The following STX18 variants were observed in gnomAD, a reference collection of about 807,000 sequenced individuals.
STX18 encodes the protein syntaxin 18, also known as syntaxin-18.
Under a neutral mutation model 50.1 loss-of-function variants are expected in STX18, and 40 were observed. The observed-to-expected ratio is 0.80, with a 90% CI of 0.62 to 1.04. The LOEUF is 1.04. Ranked by LOEUF, STX18 falls within the 50% of genes least tolerant of loss-of-function variation. The probability of loss-of-function intolerance (pLI) is 0.00; values close to 1 mark genes in which losing one functional copy is unlikely to be tolerated. For synonymous variants in STX18, 158 were observed against 151.8 expected (o/e 1.04, Z -0.30); for missense variants, 410 against 415.8 (o/e 0.99, Z 0.12).
intron 5 of STX18, among the ~76,000 whole-genome samples, chr4:4,443,761 C>T (rs1726243180): frequency 1.3e-5 from 2 of 152,086 alleles, no homozygotes; most frequent in South Asian, 2.1e-4. Flanking sequence ...TGTAATACAC[C>T]CCCTTAACAA....
chr4:4,520,919 C>T (rs947987472), intron 1 of STX18, among the ~76,000 whole-genome samples: 2 of 152,192 alleles, frequency 1.3e-5, no homozygotes, highest in African/African-American at 4.8e-5. Flanking sequence ...TCTTTAGTAT[C>T]TAAAAAAATT....
chr4:4,449,350 AC>A (rs1177883118), intron 5 of STX18, among the ~76,000 whole-genome samples: 5 of 149,934 alleles, frequency 3.3e-5, no homozygotes, highest in South Asian at 2.1e-4. Context: ...TGTGCACGGC[AC>A]CCCCCCACCC....
chr4:4,457,623 T>G (rs1727149825), intron 3 of STX18, 123 bp from the exon 4 acceptor site: 1 of 713,200 alleles, frequency 1.4e-6, no homozygotes, highest in Non-Finnish European at 2.4e-6. Context: ...ATAAAACAAG[T>G]CTTGTGCCAA....
chr4:4,484,725 C>T (rs1034722478), intron 1 of STX18, among the ~76,000 whole-genome samples: 2 of 152,030 alleles, frequency 1.3e-5, no homozygotes, highest in African/African-American at 4.8e-5. Flanking sequence ...ATATTCTCCT[C>T]CCCTACCTGC....
intron 2 of STX18, among the ~76,000 whole-genome samples, chr4:4,471,056 G>T (rs2108835258): frequency 6.6e-6 from 1 of 152,346 alleles, no homozygotes; most frequent in East Asian, 1.9e-4. Context: ...AGTGCCGTAA[G>T]AAATGAAGGC....
intron 1 of STX18, among the ~76,000 whole-genome samples, chr4:4,539,918 G>A (rs1303564263): frequency 6.6e-6 from 1 of 152,126 alleles, no homozygotes; most frequent in African/African-American, 2.4e-5. Flanking sequence ...CTTTCCCTGA[G>A]CAGGACTCAA....
At chr4:4,453,365 T>A (rs541631817) in intron 5 of STX18, among the ~76,000 whole-genome samples, 33 of 152,216 alleles carry the variant, frequency 2.2e-4, no homozygotes, top group African/African-American at 7.9e-4. Flanking sequence ...CCACCCTCAA[T>A]CAGTCAGTAG....
At chr4:4,425,280 G>A in intron 7 of STX18, 58 bp from the exon 8 acceptor site, 1 of 1,493,786 alleles carries the variant, frequency 6.7e-7, no homozygotes, top group South Asian at 1.1e-5. Flanking sequence ...CAAGAGTCTA[G>A]CAAGAAAGCG....
At chr4:4,490,293 T>C (rs182773350) in intron 1 of STX18, among the ~76,000 whole-genome samples, 123 of 152,244 alleles carry the variant, frequency 8.1e-4, no homozygotes, top group Non-Finnish European at 8.2e-4. Flanking sequence ...TATGTAACAA[T>C]AGCCAAAGGG....
chr4:4,465,634 G>C (rs1301874346), intron 2 of STX18, among the ~76,000 whole-genome samples: 2 of 152,206 alleles, frequency 1.3e-5, no homozygotes, highest in African/African-American at 4.8e-5. Context: ...AGAAGGGAGA[G>C]CATCAGGAAG....
intron 1 of STX18, chr4:4,507,526 C>T (rs1000563486): frequency 5.5e-5 from 42 of 769,070 alleles, no homozygotes; most frequent in African/African-American, 5.1e-4. Flanking sequence ...TCGAAAAAGC[C>T]GCACAAAAAA....
chr4:4,420,729 T>A lies in STX18; in HGVS notation c.912+135A>T. The stretch of plus-strand genomic sequence containing the variant: ...CTCATGAACACACGCAGCTCCGCGG[T>A]CACACAATTTTGTGATCAGCCCCGT... On this transcript the variant is annotated intron_variant, in intron 10 of 10. Transcript: ENST00000306200. This position sits in a 1 kb window ranked among gnomAD's most constrained non-coding sequence, Gnocchi z 4.3. The A allele has an allele frequency of 1.3e-6, 1 of 777,688 alleles. No homozygotes were observed. The highest frequency in any genetic ancestry group is 2.2e-6 in the Non-Finnish European group (1 of 462,270). 48.2% of individuals were successfully genotyped at this position (777,688 alleles called of 1,614,324 possible). A position where few individuals can be genotyped will look rare whatever the true frequency, so the allele number is the denominator to read the frequency against.
chr4:4,532,584 G>A (rs548503963), intron 1 of STX18, among the ~76,000 whole-genome samples: 5 of 152,212 alleles, frequency 3.3e-5, no homozygotes, highest in African/African-American at 1.2e-4. Flanking sequence ...CAGATAAAGA[G>A]TACTGAGTCA....
Position 4,507,083 on chromosome 4 carries a change from T to C in STX18, c.168+34714A>G, listed in dbSNP as rs1302185432. 27 of 533,758 alleles carry C rather than the reference T, an allele frequency of 5.1e-5. No homozygotes were observed. In the Admixed American group the frequency reaches 5.2e-4, roughly 10 times the overall value. The allele number at this position is 533,758 out of a possible 1,614,324, so 33.1% of individuals were successfully genotyped here. On this transcript the variant is annotated intron_variant, in intron 1 of 10. Transcript: ENST00000306200. ...AGTGCTCAGCAAGGAGAAGGCCATG[T>C]TCAGTTGGAGCGCCAAGATCGTGAA...
chr4:4,469,262 T>C (rs1727788148), intron 2 of STX18, among the ~76,000 whole-genome samples: 1 of 152,132 alleles, frequency 6.6e-6, no homozygotes, highest in Non-Finnish European at 1.5e-5. Flanking sequence ...GAACTAAGAA[T>C]GGTTAAAGGT....
At chr4:4,528,957 A>C (rs1346425320) in intron 1 of STX18, among the ~76,000 whole-genome samples, 15 of 152,220 alleles carry the variant, frequency 9.9e-5, no homozygotes, top group Admixed American at 6.5e-4. Context: ...ATTTTTTTTC[A>C]AATGTCTATA....
At chr4:4,516,433 C>T (rs868503374) in intron 1 of STX18, among the ~76,000 whole-genome samples, 4 of 152,098 alleles carry the variant, frequency 2.6e-5, no homozygotes, top group Non-Finnish European at 5.9e-5. Flanking sequence ...ACATCTCGTA[C>T]ATATTTTCTG....
At chr4:4,495,982 A>AT (rs1388167683) in intron 1 of STX18, among the ~76,000 whole-genome samples, 1 of 152,186 alleles carries the variant, frequency 6.6e-6, no homozygotes, top group Non-Finnish European at 1.5e-5. Flanking sequence ...GGATAACGCA[A>AT]TTTTTTAATC....
At chr4:4,475,392 A>G (rs148261910) in intron 1 of STX18, among the ~76,000 whole-genome samples, 63 of 152,326 alleles carry the variant, frequency 4.1e-4, no homozygotes, top group Non-Finnish European at 6.9e-4. Context: ...AATGCTGAGA[A>G]TGAAAAAATA....
Sources: allele counts gnomAD v4.1 joint callset (sites outside exome capture counted in the v4.1 genomes callset), GRCh38; gene constraint gnomAD v4.1.1; non-coding constraint Gnocchi (gnomAD v3.1); transcripts MANE v1.5; gene names NCBI Gene and HGNC (gene_info 2026-07-23, HGNC 2026-07-21).